Variants in CSNK1G3 observed in about 807,000 individuals in gnomAD.
CSNK1G3 encodes casein kinase I isoform gamma-3.
A neutral mutation model predicts 64.3 loss-of-function variants in CSNK1G3; 23 were observed. The observed-to-expected ratio is 0.36, with a 90% CI of 0.26 to 0.51. CSNK1G3 has a LOEUF of 0.51. CSNK1G3 is among the 20% of genes least tolerant of loss of function. The pLI is 0.96. For synonymous variants in CSNK1G3, 158 were observed against 162.2 expected (o/e 0.97, Z 0.20); for missense variants, 357 against 510.5 (o/e 0.70, Z 2.90).
chr5:123,577,679 A>G (rs993571385), intron 6 of CSNK1G3, among the ~76,000 whole-genome samples: 1 of 151,544 alleles, frequency 6.6e-6, no homozygotes, highest in Admixed American at 6.6e-5. Flanking sequence ...AGCAAGTCTA[A>G]TAGAATTATA....
chr5:123,591,986 A>G (rs1298104243), intron 10 of CSNK1G3, among the ~76,000 whole-genome samples: 1 of 152,044 alleles, frequency 6.6e-6, no homozygotes, highest in East Asian at 1.9e-4. Flanking sequence ...TAGAGCATAC[A>G]GTAAGCTTTG....
intron 6 of CSNK1G3, among the ~76,000 whole-genome samples, chr5:123,582,398 C>T (rs1790470694): frequency 6.6e-6 from 1 of 151,970 alleles, no homozygotes; most frequent in Non-Finnish European, 1.5e-5. Flanking sequence ...CTTTACTTTC[C>T]TTATTTGGGA....
intron 1 of CSNK1G3, among the ~76,000 whole-genome samples, chr5:123,525,181 C>A (rs1310306399): frequency 2.0e-5 from 3 of 148,602 alleles, no homozygotes; most frequent in Admixed American, 6.7e-5. Flanking sequence ...CATAATAGGT[C>A]TTTAATGATC....
intron 1 of CSNK1G3, among the ~76,000 whole-genome samples, chr5:123,519,503 TA>T (rs1179665320): frequency 6.6e-6 from 1 of 152,274 alleles, no homozygotes; most frequent in Non-Finnish European, 1.5e-5. Flanking sequence ...TTTTTTCCTA[TA>T]AACTTGTTTA....
At chr5:123,546,637 C>A (rs566996511) in intron 2 of CSNK1G3, among the ~76,000 whole-genome samples, 2 of 151,876 alleles carry the variant, frequency 1.3e-5, no homozygotes, top group African/African-American at 4.8e-5. Flanking sequence ...ACCAGGAGGG[C>A]TCTGGTCAGT....
At chr5:123,570,053 A>G (rs1787766479) in intron 4 of CSNK1G3, among the ~76,000 whole-genome samples, 1 of 152,192 alleles carries the variant, frequency 6.6e-6, no homozygotes, top group Non-Finnish European at 1.5e-5. Flanking sequence ...TCCTGGATTA[A>G]AACATTCTTA....
chr5:123,584,019 A>G (rs1013852935), intron 6 of CSNK1G3, among the ~76,000 whole-genome samples: 4 of 152,066 alleles, frequency 2.6e-5, no homozygotes, highest in African/African-American at 7.2e-5. Context: ...TATTAACCTT[A>G]TATCTTGTAA....
intron 4 of CSNK1G3, among the ~76,000 whole-genome samples, chr5:123,560,338 C>T (rs1785434800): frequency 6.6e-6 from 1 of 152,142 alleles, no homozygotes; most frequent in Non-Finnish European, 1.5e-5. Flanking sequence ...AAACATAGAA[C>T]TACCATTTGA....
At chr5:123,591,546 C>A (rs1009624184) in intron 10 of CSNK1G3, 132 bp downstream of exon 10, 112 of 545,134 alleles carry the variant, frequency 2.1e-4, no homozygotes, top group African/African-American at 2.0e-3. Flanking sequence ...CTCTTAATTT[C>A]ACTGTTTATT....
chr5:123,567,822 TCAAGCA>T (rs1479248685), intron 4 of CSNK1G3, among the ~76,000 whole-genome samples: 1 of 152,212 alleles, frequency 6.6e-6, no homozygotes, highest in East Asian at 1.9e-4. Context: ...ATGACTGGTC[TCAAGCA>T]CATCTTTATT....
intron 6 of CSNK1G3, among the ~76,000 whole-genome samples, chr5:123,585,988 A>G (rs1310674822): frequency 1.3e-5 from 2 of 152,242 alleles, no homozygotes; most frequent in African/African-American, 4.8e-5. Flanking sequence ...AGACTAGTAC[A>G]AGAAGAATGT....
At chr5:123,586,230 G>C (rs1262400698) in intron 6 of CSNK1G3, among the ~76,000 whole-genome samples, 3 of 152,150 alleles carry the variant, frequency 2.0e-5, no homozygotes, top group Middle Eastern at 3.2e-3. Flanking sequence ...GATGAAGGCA[G>C]ATAAGTGGTT....
chr5:123,551,398 T>A (rs569671398), intron 2 of CSNK1G3, among the ~76,000 whole-genome samples: 6 of 152,306 alleles, frequency 3.9e-5, no homozygotes, highest in South Asian at 2.1e-4. Context: ...GTATATAGGT[T>A]CAATGAGTAT....
At chr5:123,526,297 C>G (rs1005367421) in intron 1 of CSNK1G3, among the ~76,000 whole-genome samples, 3 of 152,026 alleles carry the variant, frequency 2.0e-5, no homozygotes, top group African/African-American at 4.8e-5. Context: ...TCAAGTGATC[C>G]TCCTACTCTG....
At chr5:123,564,439 A>G (rs546099492) in intron 4 of CSNK1G3, among the ~76,000 whole-genome samples, 1 of 152,248 alleles carries the variant, frequency 6.6e-6, no homozygotes, top group African/African-American at 2.4e-5. Context: ...GTATAAAACC[A>G]TGAAAAATTA....
chr5:123,520,055 G>A (rs1051857632), intron 1 of CSNK1G3, among the ~76,000 whole-genome samples: 30 of 151,910 alleles, frequency 2.0e-4, no homozygotes, highest in African/African-American at 6.8e-4. Context: ...TTTTCAGCTT[G>A]CCTCAAGCAG....
intron 2 of CSNK1G3, among the ~76,000 whole-genome samples, chr5:123,550,339 A>G (rs1322910232): frequency 6.6e-6 from 1 of 152,204 alleles, no homozygotes; most frequent in African/African-American, 2.4e-5. Flanking sequence ...CCAGCCAGGA[A>G]GAATAAAGAA....
intron 10 of CSNK1G3, among the ~76,000 whole-genome samples, chr5:123,593,839 C>G (rs189280305): frequency 9.9e-5 from 15 of 152,188 alleles, no homozygotes; most frequent in Admixed American, 9.8e-4. Flanking sequence ...AATTTTACAT[C>G]TCTCCCCTTA....
At position 123,573,383 on chromosome 5, in the gene CSNK1G3, T is replaced by G. The variant is rs923521456; in HGVS notation, c.290-10T>G. ...ATGAAATTATTAAATGAGTATTTCT[T>G]TTCCCCCAGATGGTATACCTCAAGT... On this transcript the variant is annotated splice_polypyrimidine_tract_variant and intron_variant, in intron 4 of 12. Coordinates refer to ENST00000345990, the Ensembl canonical transcript of CSNK1G3. The G allele has an allele frequency of 6.2e-7, 1 of 1,612,806 alleles. No homozygotes were observed. Among genetic ancestry groups the G allele is most frequent in the South Asian group, 1.1e-5 (1 of 91,018 alleles).
Sources: gnomAD v4.1 joint callset for allele counts (sites outside exome capture counted in the v4.1 genomes callset) on GRCh38, gnomAD v4.1.1 for gene constraint, MANE v1.5 for transcripts, NCBI Gene and HGNC (gene_info 2026-07-23, HGNC 2026-07-21) for gene names.